Variants in SELENOF observed in about 807,000 individuals in gnomAD.
SELENOF encodes the protein 15 kDa selenoprotein.
A neutral mutation model predicts 20.5 loss-of-function variants in SELENOF; 16 were observed. The observed-to-expected ratio is 0.78, with a 90% CI of 0.53 to 1.19. The LOEUF (loss-of-function observed/expected upper bound fraction) is 1.19. Ranked by LOEUF, SELENOF falls within the 50% of genes most tolerant of loss-of-function variation. The pLI, the probability that SELENOF is intolerant of heterozygous loss-of-function variation, is 0.00. For missense variants in SELENOF, 215 were observed against 194.2 expected, an observed-to-expected ratio of 1.11 and a Z score of -0.64; for synonymous variants, 78 against 74.5, an observed-to-expected ratio of 1.05 and a Z score of -0.24.
chr1:86,872,703 G>C (rs1345718265), intron 3 of SELENOF, among the ~76,000 whole-genome samples: 1 of 151,780 alleles, frequency 6.6e-6, no homozygotes, highest in African/African-American at 2.4e-5. Context: ...TCGAGTTACA[G>C]ACCAGCCTGG....
chr1:86,892,519 C>T (rs1486297915), intron 2 of SELENOF, among the ~76,000 whole-genome samples: 1 of 152,198 alleles, frequency 6.6e-6, no homozygotes, highest in Non-Finnish European at 1.5e-5. Flanking sequence ...ACCTCCATTT[C>T]ATCCTTCTAT....
At chr1:86,890,373 C>G (rs1659347816) in intron 2 of SELENOF, among the ~76,000 whole-genome samples, 1 of 152,092 alleles carries the variant, frequency 6.6e-6, no homozygotes, top group Admixed American at 6.5e-5. Context: ...TAGCACATAT[C>G]TCATTGAATT....
At chr1:86,907,194 C>G (rs1659851618) in intron 1 of SELENOF, among the ~76,000 whole-genome samples, 1 of 152,164 alleles carries the variant, frequency 6.6e-6, no homozygotes, top group African/African-American at 2.4e-5. Context: ...ATTAAAGAAG[C>G]AAGTGCACAG....
Position 86,903,367 on chromosome 1 carries a change from C to T in SELENOF, c.166G>A (p.Asp56Asn). 1 of 1,612,196 alleles carries T rather than the reference C, an allele frequency of 6.2e-7. No homozygotes were observed. The highest frequency in any genetic ancestry group is 8.5e-7 in the Non-Finnish European group (1 of 1,179,064). The part of the protein sequence containing the change: ...FSSNLLCSSC[D>N]LLGQFNLLQL... ...AGCAGGTTGAACTGTCCGAGAAGAT[C>T]ACAAGAGCTGCAAAGCAAGTTGCTA... The change falls in exon 2 of 5, where the codon GAT becomes AAT. Residue 56 changes from aspartate (D) to asparagine (N), a missense_variant. Physicochemically the swap from Asp to Asn is conservative, Grantham distance 23. Transcript: ENST00000331835.
intron 4 of SELENOF, 69 bp from the exon 5 acceptor site, chr1:86,863,674 A>C: frequency 7.2e-7 from 1 of 1,396,202 alleles, no homozygotes; most frequent in Non-Finnish European, 9.7e-7. Flanking sequence ...ATCTAAGACA[A>C]AGCAATTCAA....
intron 2 of SELENOF, among the ~76,000 whole-genome samples, chr1:86,893,724 TTAA>T (rs1315639187): frequency 6.6e-6 from 1 of 152,230 alleles, no homozygotes; most frequent in East Asian, 1.9e-4. Context: ...TACATGTTAA[TTAA>T]TATTACTTCT....
intron 1 of SELENOF, among the ~76,000 whole-genome samples, chr1:86,910,388 G>A (rs951061202): frequency 1.1e-4 from 16 of 152,130 alleles, no homozygotes; most frequent in African/African-American, 3.9e-4. Context: ...ACAAAAAAAT[G>A]AGTAAGTTGA....
intron 3 of SELENOF, among the ~76,000 whole-genome samples, chr1:86,876,154 T>C (rs1371575620): frequency 1.3e-5 from 2 of 151,130 alleles, no homozygotes; most frequent in African/African-American, 2.4e-5. Flanking sequence ...GATAAAGATG[T>C]TAAGGTCCTG....
intron 3 of SELENOF, among the ~76,000 whole-genome samples, chr1:86,874,344 T>G (rs561078392): frequency 2.6e-4 from 39 of 152,250 alleles, no homozygotes; most frequent in African/African-American, 8.9e-4. Context: ...TTTAATTATT[T>G]GTCACTAATA....
At chr1:86,902,730 A>G (rs774680287) in intron 2 of SELENOF, among the ~76,000 whole-genome samples, 7 of 152,250 alleles carry the variant, frequency 4.6e-5, no homozygotes, top group Non-Finnish European at 1.0e-4. Context: ...GTTTTAAAAC[A>G]TAGTAGGTTT....
rs551273442 is a variant in SELENOF at position 86,899,683 on chromosome 1, G to A, written c.252+3598C>T. On this transcript the variant is annotated intron_variant, in intron 2 of 4. Coordinates refer to ENST00000331835, the MANE Select transcript of SELENOF (RefSeq NM_004261.5). The stretch of plus-strand genomic sequence containing the variant: ...TCCCGGATGGGGCGGCTGGCCTGGC[G>A]GGGGCTGACCCCCACCTCCCTCCCG... Among the ~76,000 whole-genome samples the A allele has an allele frequency of 3.7e-3, 564 of 151,016 alleles. 5 individuals are homozygous for A. Among genetic ancestry groups the A allele is most frequent in the African/African-American group, 0.012 (493 of 41,126 alleles).
chr1:86,905,277 C>T (rs1358140270), intron 1 of SELENOF, among the ~76,000 whole-genome samples: 2 of 152,174 alleles, frequency 1.3e-5, no homozygotes, highest in African/African-American at 4.8e-5. Flanking sequence ...AAGGCTACTT[C>T]TCATTACTTC....
chr1:86,881,017 A>G (rs1353306582), intron 2 of SELENOF, among the ~76,000 whole-genome samples: 1 of 152,200 alleles, frequency 6.6e-6, no homozygotes, highest in Non-Finnish European at 1.5e-5. Flanking sequence ...TTAAATAGGT[A>G]AGATGTCCTA....
intron 3 of SELENOF, among the ~76,000 whole-genome samples, chr1:86,875,317 G>C (rs1347858039): frequency 1.3e-5 from 2 of 151,976 alleles, no homozygotes; most frequent in East Asian, 3.9e-4. Flanking sequence ...CATCCCATTA[G>C]GACAATTTAG....
chr1:86,890,763 T>C (rs547247986), intron 2 of SELENOF, among the ~76,000 whole-genome samples: 1 of 151,902 alleles, frequency 6.6e-6, no homozygotes, highest in South Asian at 2.1e-4. Flanking sequence ...GCCTTCGTCT[T>C]CCAAAGTGTT....
chr1:86,898,891 G>C (rs1659597412), intron 2 of SELENOF, among the ~76,000 whole-genome samples: 1 of 151,660 alleles, frequency 6.6e-6, no homozygotes, highest in Admixed American at 6.6e-5. Context: ...ATAAACAAGT[G>C]AACAAAGGTC....
intron 4 of SELENOF, among the ~76,000 whole-genome samples, chr1:86,864,290 G>A (rs1285162761): frequency 6.6e-6 from 1 of 152,124 alleles, no homozygotes; most frequent in Non-Finnish European, 1.5e-5. Context: ...CCATTAGTTG[G>A]GTCCAATATT....
chr1:86,879,591 A>T (rs1329135970), intron 3 of SELENOF, among the ~76,000 whole-genome samples: 1 of 152,246 alleles, frequency 6.6e-6, no homozygotes, highest in East Asian at 1.9e-4. Flanking sequence ...TTAACTAAAT[A>T]AGGCAAGAAA....
chr1:86,910,137 T>C (rs1412717319), intron 1 of SELENOF, among the ~76,000 whole-genome samples: 1 of 152,230 alleles, frequency 6.6e-6, no homozygotes, highest in African/African-American at 2.4e-5. Flanking sequence ...CAAGAGTAAA[T>C]TAATTTGCCT....
Sources: allele counts gnomAD v4.1 joint callset (sites outside exome capture counted in the v4.1 genomes callset), GRCh38; gene constraint gnomAD v4.1.1; transcripts MANE v1.5; gene names NCBI Gene and HGNC (gene_info 2026-07-23, HGNC 2026-07-21).